Variants in MAP3K1 observed in about 807,000 individuals in gnomAD.
MAP3K1 encodes the protein MAP/ERK kinase kinase 1.
A neutral mutation model predicts 144.2 loss-of-function variants in MAP3K1; 36 were observed. The observed-to-expected ratio is 0.25, with a 90% CI of 0.19 to 0.33. The LOEUF is 0.33. MAP3K1 is among the 10% of genes least tolerant of loss of function. The pLI is 1.00. For missense variants in MAP3K1, 1,650 were observed against 1,881.9 expected (o/e 0.88, Z 2.28); for synonymous variants, 718 against 688.7 (o/e 1.04, Z -0.67).
At chr5:56,881,336 A>G in intron 13 of MAP3K1, 64 bp downstream of exon 13, 1 of 1,386,722 alleles carries the variant, frequency 7.2e-7, no homozygotes, top group South Asian at 1.2e-5. Context: ...CTCCTCAAGA[A>G]TGACACATTT....
chr5:56,869,239 AC>A lies in MAP3K1; in HGVS notation c.1302-2670del, dbSNP rs2111904009. Among the ~76,000 whole-genome samples, 3 of 152,240 alleles carry A rather than the reference AC, an allele frequency of 2.0e-5. No individual in the cohort carries two copies. The East Asian group carries it at 5.8e-4, about 29-fold the overall frequency. The stretch of plus-strand genomic sequence containing the variant: ...TGAGCTATACTTGTGCCGCTGTACT[AC>A]AGTCTGGGTGACAGAGCAAGAACCT... On this transcript the variant is annotated intron_variant, in intron 6 of 19. Coordinates refer to ENST00000399503, the MANE Select transcript of MAP3K1 (RefSeq NM_005921.2).
rs775760133 is a variant in MAP3K1, at chr5:56,888,213, T to C, written c.4258-13T>C. ...ATGAGTCCTATTTCCAAATTAACTC[T>C]GATTTATTTTAGGTACTAAGAGGTC... On this transcript the variant is annotated splice_polypyrimidine_tract_variant and intron_variant, in intron 18 of 19. Coordinates refer to ENST00000399503, the MANE Select transcript of MAP3K1 (RefSeq NM_005921.2). 1 of 1,612,588 alleles carries C rather than the reference T, an allele frequency of 6.2e-7. No homozygotes were observed. Among genetic ancestry groups the C allele is most frequent in the Non-Finnish European group, 8.5e-7 (1 of 1,178,632 alleles).
intron 9 of MAP3K1, among the ~76,000 whole-genome samples, chr5:56,874,629 T>G (rs1341196254): frequency 1.3e-5 from 2 of 152,184 alleles, no homozygotes; most frequent in African/African-American, 4.8e-5. Context: ...TGTTTTTTGT[T>G]TGTTTGTTTG....
At chr5:56,818,147 T>C (rs762387308) in intron 1 of MAP3K1, among the ~76,000 whole-genome samples, 3 of 152,188 alleles carry the variant, frequency 2.0e-5, no homozygotes, top group Admixed American at 6.5e-5. Context: ...CCTTATGAAA[T>C]ATAGTGAATT....
At chr5:56,844,948 A>G (rs1746944817) in intron 1 of MAP3K1, among the ~76,000 whole-genome samples, 1 of 152,204 alleles carries the variant, frequency 6.6e-6, no homozygotes, top group African/African-American at 2.4e-5. Flanking sequence ...GGAAGGAAAT[A>G]GTATAGTACT....
In MAP3K1 at chr5:56,893,834, AATC is replaced by A. The variant is rs1748624058; in HGVS notation, c.*157_*159del. On this transcript the variant is annotated 3_prime_UTR_variant, in exon 20 of 20. Transcript: ENST00000399503. Reference sequence around the variant, plus strand: ...CCCTTACCTAAGTATGTGATTGACAAATCATGATCTGTACCTAAGCTCAGTATG... The same window carrying A: ...CCCTTACCTAAGTATGTGATTGACAAATGATCTGTACCTAAGCTCAGTATG... 5.1e-6 allele frequency: 4 copies of A among 785,630 alleles called. No individual in the cohort carries two copies. Among genetic ancestry groups the A allele is most frequent in the Non-Finnish European group, 8.5e-6 (4 of 469,622 alleles). 48.7% of individuals were successfully genotyped at this position (785,630 alleles called of 1,614,324 possible).
intron 1 of MAP3K1, among the ~76,000 whole-genome samples, chr5:56,828,134 C>G (rs953724695): frequency 3.3e-5 from 5 of 152,150 alleles, no homozygotes; most frequent in African/African-American, 1.2e-4. Flanking sequence ...CTACTTATCA[C>G]TAGGTTAGCA....
At chr5:56,890,725 C>T (rs1333638555) in intron 19 of MAP3K1, among the ~76,000 whole-genome samples, 1 of 152,008 alleles carries the variant, frequency 6.6e-6, no homozygotes, top group African/African-American at 2.4e-5. Flanking sequence ...CTACAAGATA[C>T]ATTAATAAGT....
Position 56,872,990 on chromosome 5 carries a change from T to G in MAP3K1, c.1671T>G (p.Ala557=). ...TCCCTCCTGCTTACAAAGATTTAGC[T>G]GAGCCATGGATTCAGGTAAGTAGTT... ...QQIPPAYKDL[A]EPWIQVFGME... is the part of the protein sequence containing the mutation. Residue 557 remains alanine (A), a synonymous_variant, in exon 9 of 20, where the codon GCT becomes GCG. Coordinates refer to ENST00000399503, the MANE Select transcript of MAP3K1 (RefSeq NM_005921.2). 2 of 1,613,960 alleles carry G rather than the reference T, an allele frequency of 1.2e-6. No homozygotes were observed. Among genetic ancestry groups the G allele is most frequent in the Non-Finnish European group, 1.7e-6 (2 of 1,179,906 alleles).
chr5:56,871,152 A>G (rs1021598460), intron 6 of MAP3K1, among the ~76,000 whole-genome samples: 2 of 152,190 alleles, frequency 1.3e-5, no homozygotes, highest in Non-Finnish European at 2.9e-5. Flanking sequence ...CGATTTTGCC[A>G]TAAATGGAAT....
Position 56,876,760 on chromosome 5 carries a change from T to G in MAP3K1, c.1965+1450T>G, listed in dbSNP as rs144396792. ...ATACCTTTTAGGTTTGAAATTAGAT[T>G]ATGTAGAAACTTTCAACCATATGCC... On this transcript the variant is annotated intron_variant, in intron 10 of 19. Coordinates refer to ENST00000399503, the MANE Select transcript of MAP3K1 (RefSeq NM_005921.2). Among the ~76,000 whole-genome samples, 569 of 152,342 alleles carry G rather than the reference T, an allele frequency of 3.7e-3. 7 individuals are homozygous for G. Among genetic ancestry groups the G allele is most frequent in the African/African-American group, 0.013 (535 of 41,586 alleles).
intron 1 of MAP3K1, among the ~76,000 whole-genome samples, chr5:56,831,331 G>T (rs1415492754): frequency 6.6e-6 from 1 of 152,040 alleles, no homozygotes; most frequent in East Asian, 1.9e-4. Context: ...GGAATGGGAG[G>T]GAGAGCAGGG....
chr5:56,821,347 A>G (rs1746148039), intron 1 of MAP3K1, among the ~76,000 whole-genome samples: 2 of 152,222 alleles, frequency 1.3e-5, no homozygotes, highest in South Asian at 2.1e-4. Flanking sequence ...GCAAGTACAC[A>G]TCTGTCACCT....
rs771103315 is a variant in MAP3K1 at position 56,882,430 on chromosome 5, C to T, written c.3230C>T (p.Ser1077Leu). The change falls in exon 14 of 20, where the codon TCA becomes TTA. Residue 1077 changes from serine (S) to leucine (L), a missense_variant. Coordinates refer to ENST00000399503, the MANE Select transcript of MAP3K1 (RefSeq NM_005921.2). ...AATACAAGTAAACAGGGAGATCCCT[C>T]AAAAAATAGCATGACACTTGATCTG... is the stretch of plus-strand genomic sequence containing the variant. ...PGNTSKQGDP[S>L]KNSMTLDLNS... 6.2e-7 allele frequency: 1 copy of T among 1,614,076 alleles called. No homozygotes were observed. The highest frequency in any genetic ancestry group is 8.5e-7 in the Non-Finnish European group (1 of 1,180,000).
At chr5:56,845,403 C>T (rs1746958333) in intron 1 of MAP3K1, among the ~76,000 whole-genome samples, 1 of 151,968 alleles carries the variant, frequency 6.6e-6, no homozygotes, top group African/African-American at 2.4e-5. Context: ...CAGAGGTTTT[C>T]ATTTCACTGT....
At chr5:56,823,423 A>C (rs1408262071) in intron 1 of MAP3K1, among the ~76,000 whole-genome samples, 1 of 152,168 alleles carries the variant, frequency 6.6e-6, no homozygotes, top group Non-Finnish European at 1.5e-5. Flanking sequence ...TCATCCACCC[A>C]GACTGGCTTT....
chr5:56,840,381 G>C lies in MAP3K1; in HGVS notation c.483-16219G>C, dbSNP rs6869676. Among the ~76,000 whole-genome samples the C allele has an allele frequency of 2.4e-3, 358 of 152,154 alleles. 2 individuals carry two copies. Among genetic ancestry groups the C allele is most frequent in the African/African-American group, 8.2e-3 (342 of 41,536 alleles). Reference sequence around the variant, plus strand: ...CAGGCTGGTCTTGAACTCCAGACTTGAGGTGTTCTACCCGCCTCGGCCTCC... The same window carrying C: ...CAGGCTGGTCTTGAACTCCAGACTTCAGGTGTTCTACCCGCCTCGGCCTCC... On this transcript the variant is annotated intron_variant, in intron 1 of 19. Coordinates refer to ENST00000399503, the MANE Select transcript of MAP3K1 (RefSeq NM_005921.2).
At chr5:56,874,531 CCAATTAAAT>C (rs1747955222) in intron 9 of MAP3K1, among the ~76,000 whole-genome samples, 2 of 152,262 alleles carry the variant, frequency 1.3e-5, no homozygotes, top group South Asian at 4.1e-4. Flanking sequence ...CAGACAAAAA[CCAATTAAAT>C]GTGTTTTGCT....
intron 1 of MAP3K1, chr5:56,820,801 C>T (rs1261600989): frequency 1.0e-6 from 1 of 985,224 alleles, no homozygotes; most frequent in Non-Finnish European, 1.2e-6. Flanking sequence ...CATGAGTGCA[C>T]AAGCTGTTTC....
Sources: gnomAD v4.1 joint callset for allele counts (sites outside exome capture counted in the v4.1 genomes callset) on GRCh38, gnomAD v4.1.1 for gene constraint, MANE v1.5 for transcripts, NCBI Gene and HGNC (gene_info 2026-07-23, HGNC 2026-07-21) for gene names.